Variants in REPS2 observed in about 807,000 individuals in gnomAD.
REPS2 encodes the protein ralBP1-associated Eps domain-containing protein 2.
A neutral mutation model predicts 53.6 loss-of-function variants in REPS2; 23 were observed. The ratio of observed to expected loss-of-function variants is 0.43; its 90% CI spans 0.31 to 0.61. REPS2 has a LOEUF of 0.61. REPS2 is among the 20% of genes least tolerant of loss of function. The pLI, the probability that REPS2 is intolerant of heterozygous loss-of-function variation, is 0.11. For missense variants in REPS2, 446 were observed against 534.9 expected, an observed-to-expected ratio of 0.83 and a Z score of 1.64; for synonymous variants, 238 against 218.6, an observed-to-expected ratio of 1.09 and a Z score of -0.78.
chrX:17,138,721 T>TA (rs760242027), intron 16 of REPS2, 135 bp from the exon 17 acceptor site: 106 of 345,977 alleles, frequency 3.1e-4, no homozygotes, highest in Non-Finnish European at 5.0e-4. Context: ...CGCCTGTGAA[T>TA]ATGAGATTTT....
intron 9 of REPS2, among the ~76,000 whole-genome samples, chrX:17,067,965 G>C (rs1214903959): frequency 8.9e-6 from 1 of 111,812 alleles, no homozygotes; most frequent in African/African-American, 3.3e-5. Context: ...AAATAAGGTA[G>C]TATTAAATGC....
intron 13 of REPS2, among the ~76,000 whole-genome samples, chrX:17,079,326 G>A (rs1038511859): frequency 9.0e-6 from 1 of 111,454 alleles, no homozygotes. Flanking sequence ...ATAACACCCC[G>A]ACTTCCTTGA....
the REPS2 span, among the ~76,000 whole-genome samples, chrX:17,180,649 C>T: frequency 9.0e-6 from 1 of 110,848 alleles, no homozygotes; most frequent in African/African-American, 3.3e-5. Flanking sequence ...CACGCACACA[C>T]ACATGCACAC....
At chrX:17,116,520 T>C (rs962264279) in intron 14 of REPS2, among the ~76,000 whole-genome samples, 1 of 112,032 alleles carries the variant, frequency 8.9e-6, no homozygotes, top group African/African-American at 3.2e-5. Flanking sequence ...CACTTTCATC[T>C]ATTTATGTTG....
chrX:17,086,378 A>G (rs1211205046), intron 13 of REPS2, among the ~76,000 whole-genome samples: 3 of 112,550 alleles, frequency 2.7e-5, no homozygotes, highest in African/African-American at 9.7e-5. Context: ...TATGATAAAG[A>G]TCCCAGCGAC....
chrX:16,994,337 ATG>A lies in REPS2; in HGVS notation c.274-11878_274-11877del, dbSNP rs781542757. On this transcript the variant is annotated intron_variant, in intron 1 of 17. Coordinates refer to ENST00000357277, the MANE Select transcript of REPS2 (RefSeq NM_004726.3). Reference sequence around the variant, plus strand: ...TGTGTGTATATATGTGTGTATGTATATGTGTGTATATATACACACACGTACAT... The same window carrying A: ...TGTGTGTATATATGTGTGTATGTATATGTGTATATATACACACACGTACAT... Among the ~76,000 whole-genome samples the A allele has an allele frequency of 2.6e-3, 276 of 105,283 alleles. 3 individuals are homozygous for A. The highest frequency in any genetic ancestry group is 9.5e-3 in the African/African-American group (269 of 28,279). 91.4% of individuals were successfully genotyped at this position (105,283 alleles called of 115,157 possible). A position where few individuals can be genotyped will look rare whatever the true frequency, so the allele number is the denominator to read the frequency against.
At chrX:17,059,545 G>A (rs1176885799) in intron 8 of REPS2, among the ~76,000 whole-genome samples, 1 of 109,822 alleles carries the variant, frequency 9.1e-6, no homozygotes, top group African/African-American at 3.3e-5. Context: ...TTGGCTCACT[G>A]CAATCTCTGC....
chrX:17,123,012 C>T (rs886905215), intron 14 of REPS2, among the ~76,000 whole-genome samples: 9 of 112,303 alleles, frequency 8.0e-5, no homozygotes, highest in African/African-American at 2.9e-4. Context: ...TTTGTATATA[C>T]ATTTGTTATT....
At chrX:17,155,682 A>G (rs1001183155), downstream of REPS2, among the ~76,000 whole-genome samples, 3 of 112,227 alleles carry the variant, frequency 2.7e-5, no homozygotes, top group South Asian at 7.4e-4. Context: ...TAGAAAGGAA[A>G]TGTTTTACTG....
At chrX:17,097,945 C>G (rs1373924953) in intron 13 of REPS2, among the ~76,000 whole-genome samples, 2 of 111,350 alleles carry the variant, frequency 1.8e-5, no homozygotes, top group Non-Finnish European at 3.8e-5. Flanking sequence ...TCAGGTGGCT[C>G]TCCTGGGAAA....
chrX:17,032,637 T>A (rs1489467074), intron 5 of REPS2, among the ~76,000 whole-genome samples: 1 of 111,839 alleles, frequency 8.9e-6, no homozygotes, highest in Non-Finnish European at 1.9e-5. Context: ...GTTGTCACGT[T>A]GATGTGCCGA....
At chrX:17,131,033 C>T (rs1468728621) in intron 14 of REPS2, among the ~76,000 whole-genome samples, 1 of 111,800 alleles carries the variant, frequency 8.9e-6, no homozygotes, top group Non-Finnish European at 1.9e-5. Flanking sequence ...GCTATAAGAA[C>T]TAGTTGGAAC....
intron 1 of REPS2, among the ~76,000 whole-genome samples, chrX:16,994,333 GTA>G (rs1923420201): frequency 9.5e-6 from 1 of 105,483 alleles, no homozygotes; most frequent in South Asian, 4.2e-4. Flanking sequence ...ATGTGTGTAT[GTA>G]TATGTGTGTA....
intron 5 of REPS2, among the ~76,000 whole-genome samples, chrX:17,035,573 T>C (rs748138040): frequency 1.8e-5 from 2 of 111,287 alleles, no homozygotes; most frequent in East Asian, 5.6e-4. Flanking sequence ...ACCAAGGCAT[T>C]ACTTGGTAAG....
chrX:17,065,193 A>G (rs1419482734), intron 9 of REPS2, among the ~76,000 whole-genome samples: 1 of 112,159 alleles, frequency 8.9e-6, no homozygotes, highest in African/African-American at 3.2e-5. Context: ...CTGAGGAACC[A>G]CCAAACTGCT....
At chrX:16,991,342 G>A (rs1055808298) in intron 1 of REPS2, among the ~76,000 whole-genome samples, 1 of 111,428 alleles carries the variant, frequency 9.0e-6, no homozygotes, top group Non-Finnish European at 1.9e-5. Context: ...GCACCTGGAT[G>A]CCCAGAGTAA....
At chrX:17,070,059 G>A (rs2062283068) in intron 11 of REPS2, 66 bp downstream of exon 11, 1 of 511,894 alleles carries the variant, frequency 2.0e-6, no homozygotes, top group African/African-American at 2.5e-5. Context: ...CAGCAAGTCA[G>A]TGAGTAGAAG....
chrX:17,105,133 A>G (rs62587798), intron 14 of REPS2, among the ~76,000 whole-genome samples: 7,517 of 110,453 alleles, frequency 0.068, 269 homozygotes, highest in Non-Finnish European at 0.1. Flanking sequence ...CCAAATTGCA[A>G]TCTGTCTCCT....
At chrX:16,952,293 G>A (rs2060524204) in intron 1 of REPS2, among the ~76,000 whole-genome samples, 2 of 111,366 alleles carry the variant, frequency 1.8e-5, no homozygotes, top group African/African-American at 6.5e-5. Flanking sequence ...TTTTCTCATT[G>A]TTCAGCTCCC....
Sources: allele counts gnomAD v4.1 joint callset (sites outside exome capture counted in the v4.1 genomes callset), GRCh38; gene constraint gnomAD v4.1.1; transcripts MANE v1.5; gene names NCBI Gene and HGNC (gene_info 2026-07-23, HGNC 2026-07-21).